The following DISC1 variants were observed in gnomAD, a reference collection of about 807,000 sequenced individuals.
The protein encoded by DISC1 is DISC1 scaffold protein.
Under a neutral mutation model 84.5 loss-of-function variants are expected in DISC1, and 57 were observed. The observed-to-expected ratio is 0.67, with a 90% confidence interval of 0.55 to 0.84. DISC1 has a LOEUF of 0.84. Among genes scored for constraint, DISC1 ranks in the 40% least tolerant of loss-of-function variants. DISC1 has a pLI of 0.00. For synonymous variants in DISC1, 411 were observed against 415.2 expected, an observed-to-expected ratio of 0.99 and a Z score of 0.12; for missense variants, 1,000 against 1,057.8, an observed-to-expected ratio of 0.95 and a Z score of 0.76.
At chr1:231,649,323 T>C (rs955359285) in intron 1 of DISC1, among the ~76,000 whole-genome samples, 5 of 152,212 alleles carry the variant, frequency 3.3e-5, no homozygotes, top group African/African-American at 1.2e-4. Flanking sequence ...TACCCAGTAG[T>C]CATTCAGGAG....
At position 231,889,726 on chromosome 1, in the gene DISC1, A is replaced by G. The variant is rs528901313; in HGVS notation, c.1982-69102A>G. On this transcript the variant is annotated intron_variant, in intron 9 of 12. Coordinates refer to ENST00000439617, the MANE Select transcript of DISC1 (RefSeq NM_018662.3). ...CTTCTTACCACACATGCTTCAGTCT[A>G]CACAGTTCTCCCCCTCTTTTTTTTT... 3.9e-5 allele frequency among the ~76,000 whole-genome samples: 6 copies of G among 152,192 alleles called. No homozygotes were observed. In the South Asian group the frequency reaches 1.0e-3, roughly 26 times the overall value.
At chr1:231,809,227 A>G (rs1018309075) in intron 8 of DISC1, among the ~76,000 whole-genome samples, 2 of 152,136 alleles carry the variant, frequency 1.3e-5, no homozygotes, top group Non-Finnish European at 2.9e-5. Flanking sequence ...CATTCCCGTT[A>G]CAGTCACCAC....
At chr1:231,799,766 G>A (rs898226645) in intron 7 of DISC1, among the ~76,000 whole-genome samples, 1 of 150,130 alleles carries the variant, frequency 6.7e-6, no homozygotes, top group African/African-American at 2.5e-5. Flanking sequence ...GGGTGATGAT[G>A]GGCATATGCT....
At chr1:231,859,290 A>G (rs930773084) in intron 9 of DISC1, among the ~76,000 whole-genome samples, 2 of 152,200 alleles carry the variant, frequency 1.3e-5, no homozygotes, top group African/African-American at 4.8e-5. Context: ...CTGCTGTAAC[A>G]AAGTACCATA....
At chr1:231,812,293 C>A (rs1023364268) in intron 8 of DISC1, among the ~76,000 whole-genome samples, 7 of 152,200 alleles carry the variant, frequency 4.6e-5, no homozygotes, top group East Asian at 3.9e-4. Flanking sequence ...CCTCAAGCAA[C>A]CTTCCCATCT....
chr1:231,917,050 G>T (rs998075025), intron 9 of DISC1, among the ~76,000 whole-genome samples: 1 of 152,096 alleles, frequency 6.6e-6, no homozygotes, highest in African/African-American at 2.4e-5. Context: ...TTCGGGGTAC[G>T]ACATAGAAAT....
chr1:231,758,548 T>C (rs1275933819), intron 4 of DISC1, among the ~76,000 whole-genome samples: 1 of 151,936 alleles, frequency 6.6e-6, no homozygotes, highest in Non-Finnish European at 1.5e-5. Flanking sequence ...GCCCCAGGGG[T>C]AGGATGCCCC....
intron 9 of DISC1, among the ~76,000 whole-genome samples, chr1:231,867,764 T>G (rs2085163384): frequency 1.3e-5 from 2 of 152,208 alleles, no homozygotes; most frequent in Admixed American, 1.3e-4. Flanking sequence ...TCCTTGCAAA[T>G]GATTACAAAC....
chr1:231,871,129 C>T lies in DISC1; in HGVS notation c.1981+52612C>T, dbSNP rs138120506. On this transcript the variant is annotated intron_variant, in intron 9 of 12. Coordinates refer to ENST00000439617, the MANE Select transcript of DISC1 (RefSeq NM_018662.3). ...AAGCTGACTGCACTCATTGATGCAG[C>T]GAGCCCAGGGCCTTGTGATGTTCCC... 5.2e-3 allele frequency among the ~76,000 whole-genome samples: 794 copies of T among 152,290 alleles called. 14 individuals carry two copies. Among genetic ancestry groups the T allele is most frequent in the African/African-American group, 0.018 (740 of 41,566 alleles).
intron 1 of DISC1, among the ~76,000 whole-genome samples, chr1:231,640,528 ATTTT>A (rs58820518): frequency 7.5e-6 from 1 of 133,314 alleles, no homozygotes; most frequent in Non-Finnish European, 1.6e-5. Context: ...CCTCCTTGGT[ATTTT>A]TTTTTTTTTT....
chr1:231,642,951 T>G (rs1207807401), intron 1 of DISC1, among the ~76,000 whole-genome samples: 1 of 152,204 alleles, frequency 6.6e-6, no homozygotes, highest in African/African-American at 2.4e-5. Context: ...GAAAATGTAC[T>G]CAACCTGAGC....
Position 231,861,789 on chromosome 1 carries a change from T to C in DISC1, c.1981+43272T>C, listed in dbSNP as rs2084672287. On this transcript the variant is annotated intron_variant, in intron 9 of 12. Transcript: ENST00000439617. ...TTTCTTGCTTTGCTCATTCAATGAA[T>C]GTTTTAAGAGTCTGATTGAGATATT... Among the ~76,000 whole-genome samples the C allele has an allele frequency of 2.6e-5, 4 of 152,200 alleles. No individual in the cohort carries two copies. The South Asian group carries it at 8.3e-4, about 32-fold the overall frequency.
At chr1:231,813,607 G>T (rs1476885948) in intron 8 of DISC1, among the ~76,000 whole-genome samples, 1 of 152,222 alleles carries the variant, frequency 6.6e-6, no homozygotes, top group East Asian at 1.9e-4. Context: ...TCATGGAAGT[G>T]CAGTCTGCTC....
At chr1:231,932,770 G>A (rs1351689529) in intron 9 of DISC1, among the ~76,000 whole-genome samples, 1 of 152,160 alleles carries the variant, frequency 6.6e-6, no homozygotes, top group Admixed American at 6.5e-5. Context: ...AGGCTGTGAA[G>A]ACATTTAAAA....
chr1:231,839,808 C>G (rs906344900), intron 9 of DISC1, among the ~76,000 whole-genome samples: 4 of 152,154 alleles, frequency 2.6e-5, no homozygotes, highest in Non-Finnish European at 5.9e-5. Context: ...GGGAGCCAGC[C>G]AGCGTGTCAC....
At chr1:231,650,468 G>T (rs949177133) in intron 1 of DISC1, among the ~76,000 whole-genome samples, 1 of 152,152 alleles carries the variant, frequency 6.6e-6, no homozygotes, top group Non-Finnish European at 1.5e-5. Flanking sequence ...TGGGTAACCC[G>T]ACCTTTCTCT....
At chr1:231,896,508 G>C (rs1487644325) in intron 9 of DISC1, among the ~76,000 whole-genome samples, 1 of 152,004 alleles carries the variant, frequency 6.6e-6, no homozygotes, top group Non-Finnish European at 1.5e-5. Flanking sequence ...GCTTTTCACT[G>C]TTCTCCCTTC....
chr1:231,894,432 CT>C (rs1435640926), intron 9 of DISC1, among the ~76,000 whole-genome samples: 2 of 152,090 alleles, frequency 1.3e-5, no homozygotes, highest in African/African-American at 4.8e-5. Flanking sequence ...TCTGGATTGT[CT>C]TTTTTTCCCT....
intron 10 of DISC1, among the ~76,000 whole-genome samples, chr1:231,981,637 T>C (rs1248969242): frequency 6.6e-6 from 1 of 152,198 alleles, no homozygotes; most frequent in Non-Finnish European, 1.5e-5. Context: ...TTTTTTGGAC[T>C]ATAGGAGTTA....
Sources: allele counts gnomAD v4.1 joint callset (sites outside exome capture counted in the v4.1 genomes callset), GRCh38; gene constraint gnomAD v4.1.1; transcripts MANE v1.5; gene names NCBI Gene and HGNC (gene_info 2026-07-23, HGNC 2026-07-21).